ZNF91: variants seen among roughly 807,000 people sequenced by gnomAD.
The protein encoded by ZNF91 is zinc finger protein 91 (HPF7, HTF10).
In ZNF91, 7 loss-of-function variants were observed where a neutral mutation model predicts 12.6. That is an observed-to-expected ratio of 0.55 (90% CI 0.31 to 1.04). The LOEUF (loss-of-function observed/expected upper bound fraction) is 1.04. Ranked by LOEUF, ZNF91 falls within the 50% of genes least tolerant of loss-of-function variation. ZNF91 has a pLI of 0.05. For synonymous variants in ZNF91, 453 were observed against 462.6 expected (o/e 0.98, Z 0.27); for missense variants, 1,217 against 1,385.4 (o/e 0.88, Z 1.93).
At position 23,359,714 on chromosome 19, in the gene ZNF91, G is replaced by A. The variant is rs770381910; in HGVS notation, c.3265C>T (p.Gln1089Ter). The A allele has an allele frequency of 1.9e-6, 3 of 1,613,764 alleles. No homozygotes were observed. Among genetic ancestry groups the A allele is most frequent in the Non-Finnish European group, 1.7e-6 (2 of 1,179,916 alleles). Residue 1089 changes from glutamine to a stop codon, truncating the protein, a stop_gained, in exon 4 of 4, where the codon CAA (glutamine) becomes TAA (stop). Transcript: ENST00000300619. LOFTEE classifies it low-confidence loss of function (END_TRUNC). ...KCEECGKAFS[Q>*]SSTLTRHKRL... ...TTATGTCTAGTTAGGGTTGAAGATT[G>A]GCTAAATGCTTTGCCACATTCTTCA... is the stretch of plus-strand genomic sequence containing the variant.
chr19:23,362,589 A>C lies in ZNF91; in HGVS notation c.390T>G (p.Asp130Glu), dbSNP rs1341965265. Residue 130 changes from aspartate (D) to glutamate (E), a missense_variant, in exon 4 of 4, where the codon GAT (aspartate) becomes GAG (glutamate). Asp to Glu is a conservative substitution (Grantham distance 45). Coordinates refer to ENST00000300619, the MANE Select transcript of ZNF91 (RefSeq NM_003430.4). ...LQLRKGCKSVDECKVHKEGYN... is the reference protein window; with the variant it reads ...LQLRKGCKSVEECKVHKEGYN... ...AACCTTCTTTGTGCACCTTACACTC[A>C]TCCACACTTTTACAACCTTTTCTTA... 6.2e-7 allele frequency: 1 copy of C among 1,601,416 alleles called. No individual in the cohort carries two copies. The highest frequency in any genetic ancestry group is 1.3e-5 in the African/African-American group (1 of 74,224).
intron 3 of ZNF91, among the ~76,000 whole-genome samples, chr19:23,306,373 A>G (rs571336637): frequency 3.3e-5 from 5 of 152,344 alleles, no homozygotes; most frequent in Admixed American, 6.5e-5. Context: ...CCCAGCCCAG[A>G]TGGAATTGTG....
intron 1 of ZNF91, among the ~76,000 whole-genome samples, chr19:23,323,706 CTCCT>C (rs1967770171): frequency 2.5e-5 from 3 of 120,036 alleles, no homozygotes; most frequent in South Asian, 5.6e-4. Context: ...TTATCCTCTC[CTCCT>C]TCTTTTCTTC....
At chr19:23,381,361 C>G (rs112042722) in intron 1 of ZNF91, among the ~76,000 whole-genome samples, 117 of 151,930 alleles carry the variant, frequency 7.7e-4, no homozygotes, top group African/African-American at 2.7e-3. Flanking sequence ...TGTCTACAAA[C>G]ATTATACATT....
At chr19:23,385,751 G>A (rs530777427) in intron 1 of ZNF91, among the ~76,000 whole-genome samples, 16 of 152,178 alleles carry the variant, frequency 1.1e-4, no homozygotes, top group South Asian at 4.1e-4. Context: ...TGGGCTCACC[G>A]TAGAGAATTC....
In ZNF91 at chr19:23,347,893, T is replaced by C. The variant is rs112654200; in HGVS notation, c.254-8839A>G. Among the ~76,000 whole-genome samples the C allele has an allele frequency of 1.2e-3, 177 of 152,298 alleles. 1 individual carries two copies. Among genetic ancestry groups the C allele is most frequent in the Admixed American group, 0.011 (164 of 15,296 alleles). The stretch of plus-strand genomic sequence containing the variant: ...AATGGCTCTGCTATCTTCTAGTCTT[T>C]GTCCGTACTTTCTCTGGGTGAGCAG... On this transcript the variant is annotated intron_variant, in intron 3 of 3. Transcript: ENST00000599743.
intron 1 of ZNF91, among the ~76,000 whole-genome samples, chr19:23,329,380 C>A (rs1820675): frequency 0.19 from 28,684 of 152,118 alleles, 2,928 homozygotes; most frequent in Non-Finnish European, 0.21. Context: ...TTAGGAGCAT[C>A]AGAACTCCTT....
downstream of ZNF91, among the ~76,000 whole-genome samples, chr19:23,335,782 T>G (rs1315493358): frequency 6.6e-6 from 1 of 152,056 alleles, no homozygotes; most frequent in Non-Finnish European, 1.5e-5. Context: ...CTGGGTGAGG[T>G]GATGCCCTAC....
intron 1 of ZNF91, among the ~76,000 whole-genome samples, chr19:23,316,469 C>A (rs574415631): frequency 6.6e-6 from 1 of 152,264 alleles, no homozygotes; most frequent in East Asian, 1.9e-4. Flanking sequence ...GGTGACTCTG[C>A]AGCCTGCACC....
intron 1 of ZNF91, among the ~76,000 whole-genome samples, chr19:23,392,798 C>CATAAATAAACAA (rs71165803): frequency 1.3e-5 from 2 of 150,726 alleles, no homozygotes; most frequent in Non-Finnish European, 2.9e-5. Flanking sequence ...GATTTCGACT[C>CATAAATAAACAA]ATAAATAAGA....
chr19:23,353,930 G>A (rs1458378054), downstream of ZNF91, among the ~76,000 whole-genome samples: 1 of 152,020 alleles, frequency 6.6e-6, no homozygotes, highest in Non-Finnish European at 1.5e-5. Context: ...CCAAAAACAA[G>A]CAGTGAGATT....
At position 23,361,298 on chromosome 19, in the gene ZNF91, G is replaced by A. The variant is rs778896237; in HGVS notation, c.1681C>T (p.Leu561Phe). 8.1e-6 allele frequency: 13 copies of A among 1,612,564 alleles called. No homozygotes were observed. In the East Asian group the frequency reaches 2.9e-4, roughly 36 times the overall value. Residue 561 changes from leucine (L) to phenylalanine (F), a missense_variant, in exon 4 of 4, where the codon CTT becomes TTT. By Grantham distance (22) the Leu-to-Phe change is conservative. Transcript: ENST00000300619. ...CGKAFKQFST[L>F]TTHKIIHAGK... ...GCATGAATTATTTTATGTGTAGTAA[G>A]GGTTGAGAATTGCTTAAAAGCTTTG... is the stretch of plus-strand genomic sequence containing the variant.
chr19:23,394,141 AG>A (rs1267844657), intron 1 of ZNF91, among the ~76,000 whole-genome samples: 1 of 152,226 alleles, frequency 6.6e-6, no homozygotes, highest in Admixed American at 6.5e-5. Flanking sequence ...TGCAAGCCAG[AG>A]TTAGGCTGGA....
chr19:23,316,625 A>G (rs1359823354), intron 1 of ZNF91, among the ~76,000 whole-genome samples: 1 of 152,206 alleles, frequency 6.6e-6, no homozygotes, highest in Non-Finnish European at 1.5e-5. Context: ...ACCCACAGGT[A>G]AGACTGTGAC....
upstream of ZNF91, among the ~76,000 whole-genome samples, chr19:23,313,265 T>G (rs1236166984): frequency 7.2e-5 from 11 of 152,342 alleles, no homozygotes; most frequent in African/African-American, 2.6e-4. Flanking sequence ...TACAGGATTG[T>G]GACTTATTTT....
intron 3 of ZNF91, among the ~76,000 whole-genome samples, chr19:23,364,811 A>G (rs1158332208): frequency 6.6e-6 from 1 of 152,164 alleles, no homozygotes; most frequent in Non-Finnish European, 1.5e-5. Context: ...ATACAACGAT[A>G]ATATTTATAC....
At chr19:23,355,726 G>C (rs562077974), downstream of ZNF91, among the ~76,000 whole-genome samples, 3 of 152,092 alleles carry the variant, frequency 2.0e-5, no homozygotes, top group East Asian at 5.8e-4. Context: ...TTAGTATCCA[G>C]AATCTACAAC....
intron 3 of ZNF91, among the ~76,000 whole-genome samples, chr19:23,345,311 C>G (rs1241400007): frequency 6.6e-6 from 1 of 152,166 alleles, no homozygotes; most frequent in Admixed American, 6.5e-5. Flanking sequence ...CATAAAAAAA[C>G]CTACAAACCT....
rs879444427 is a variant in ZNF91 at position 23,388,563 on chromosome 19, C to A, written c.30+6762G>T. 1.4e-3 allele frequency among the ~76,000 whole-genome samples: 212 copies of A among 152,190 alleles called. 1 individual carries two copies. The highest frequency in any genetic ancestry group is 3.5e-3 in the South Asian group (17 of 4,822). On this transcript the variant is annotated intron_variant, in intron 1 of 3. Transcript: ENST00000300619. ...CTTTATAGCAACATGAAGCTGGAGA[C>A]CATTATTCTTGGAAAACCAATGCGG...
Sources: gnomAD v4.1 joint callset for allele counts (sites outside exome capture counted in the v4.1 genomes callset) on GRCh38, gnomAD v4.1.1 for gene constraint, MANE v1.5 for transcripts, NCBI Gene and HGNC (gene_info 2026-07-23, HGNC 2026-07-21) for gene names.